The following PDE4D variants were observed in gnomAD, a reference collection of about 807,000 sequenced individuals.
PDE4D encodes phosphodiesterase 4D, also known as 3',5'-cyclic-AMP phosphodiesterase 4D.
In PDE4D, 24 loss-of-function variants were observed where a neutral mutation model predicts 87.4. The ratio of observed to expected loss-of-function variants is 0.27; its 90% CI spans 0.20 to 0.39. PDE4D has a LOEUF of 0.39. Ranked by LOEUF, PDE4D falls within the 10% of genes least tolerant of loss-of-function variation. The pLI is 1.00. For synonymous variants in PDE4D, 384 were observed against 383.2 expected, an observed-to-expected ratio of 1.00 and a Z score of -0.02; for missense variants, 714 against 1,041.0, an observed-to-expected ratio of 0.69 and a Z score of 4.32.
chr5:60,494,167 G>C (rs1311467233), intron 1 of PDE4D, among the ~76,000 whole-genome samples: 1 of 152,184 alleles, frequency 6.6e-6, no homozygotes, highest in East Asian at 1.9e-4. Context: ...TTGAAAGTTT[G>C]AAAGCTTTGC....
At chr5:58,999,561 A>ATG in intron 6 of PDE4D, 1 of 1,182,162 alleles carries the variant, frequency 8.5e-7, no homozygotes, top group Non-Finnish European at 1.1e-6. Context: ...ATGTATATAT[A>ATG]TATATATGTA....
chr5:59,126,254 T>C (rs1424398876), intron 5 of PDE4D, among the ~76,000 whole-genome samples: 1 of 151,998 alleles, frequency 6.6e-6, no homozygotes, highest in Non-Finnish European at 1.5e-5. Flanking sequence ...GAACAAAAAA[T>C]AGCCAATACG....
At chr5:60,291,746 T>C (rs528350537) in intron 1 of PDE4D, among the ~76,000 whole-genome samples, 101 of 152,240 alleles carry the variant, frequency 6.6e-4, no homozygotes, top group Non-Finnish European at 9.0e-4. Context: ...CATACTTGTA[T>C]AGAATACAGT....
At chr5:59,648,254 G>C (rs1742802354) in intron 1 of PDE4D, among the ~76,000 whole-genome samples, 1 of 152,130 alleles carries the variant, frequency 6.6e-6, no homozygotes, top group African/African-American at 2.4e-5. Context: ...AAGTGCTCAG[G>C]AGATATATTC....
At chr5:59,383,308 C>T (rs1786279258) in intron 1 of PDE4D, among the ~76,000 whole-genome samples, 1 of 127,376 alleles carries the variant, frequency 7.9e-6, no homozygotes, top group Admixed American at 7.2e-5. Flanking sequence ...GCCTTCCAGC[C>T]ATTCCTGGAA....
chr5:59,914,456 G>T (rs1436071722), intron 3 of PDE4D, among the ~76,000 whole-genome samples: 1 of 152,034 alleles, frequency 6.6e-6, no homozygotes, highest in Non-Finnish European at 1.5e-5. Context: ...AGTCTGTGGG[G>T]CAGGGCAAGA....
At chr5:59,339,014 G>A (rs1374913715) in intron 1 of PDE4D, among the ~76,000 whole-genome samples, 1 of 152,104 alleles carries the variant, frequency 6.6e-6, no homozygotes, top group Non-Finnish European at 1.5e-5. Flanking sequence ...GGTCTCTGAT[G>A]GTGATAACTT....
At chr5:59,808,602 T>C (rs183654116) in intron 1 of PDE4D, among the ~76,000 whole-genome samples, 2 of 142,536 alleles carry the variant, frequency 1.4e-5, no homozygotes, top group African/African-American at 5.1e-5. Context: ...GTGTGTGTGT[T>C]TGTGTGTGTG....
chr5:59,685,414 A>G (rs2150378713), intron 1 of PDE4D, among the ~76,000 whole-genome samples: 1 of 152,280 alleles, frequency 6.6e-6, no homozygotes, highest in East Asian at 1.9e-4. Context: ...AATTCCTTCT[A>G]CAATATTATG....
chr5:59,750,624 T>C (rs1258564603), intron 1 of PDE4D, among the ~76,000 whole-genome samples: 1 of 152,172 alleles, frequency 6.6e-6, no homozygotes, highest in Non-Finnish European at 1.5e-5. Context: ...TTGTGTGTTG[T>C]CTTCTCCTTT....
At chr5:60,436,459 G>A (rs371165000) in intron 1 of PDE4D, among the ~76,000 whole-genome samples, 8 of 152,116 alleles carry the variant, frequency 5.3e-5, no homozygotes, top group African/African-American at 1.9e-4. Flanking sequence ...AAAATCCTAT[G>A]CTTTCAATAC....
chr5:59,168,701 GGAGA>G (rs763121815), intron 5 of PDE4D, among the ~76,000 whole-genome samples: 3 of 152,120 alleles, frequency 2.0e-5, no homozygotes, highest in Non-Finnish European at 2.9e-5. Flanking sequence ...AGGGAGGGAA[GGAGA>G]GAGAAAAAAA....
rs1468830457 is a variant in PDE4D at position 58,975,571 on chromosome 5, A to AAAATACTATCATATGTAAT, written c.2013+67_2013+85dup. On this transcript the variant is annotated intron_variant, in intron 14 of 14. Transcript: ENST00000340635. This position sits in a 1 kb window ranked among gnomAD's most constrained non-coding sequence, Gnocchi z 4.2. ...AACAAAGTAATTTTAAAAATCCAGT[A>AAAATACTATCATATGTAAT]AAATACTATCATATGTAATACAAAG... The AAAATACTATCATATGTAAT allele has an allele frequency of 4.1e-5, 43 of 1,055,352 alleles. No homozygotes were observed. Among genetic ancestry groups the AAAATACTATCATATGTAAT allele is most frequent in the Non-Finnish European group, 5.2e-5 (41 of 782,996 alleles). 65.4% of individuals were successfully genotyped at this position (1,055,352 alleles called of 1,614,324 possible).
At chr5:59,663,225 C>T (rs1043530186) in intron 1 of PDE4D, among the ~76,000 whole-genome samples, 9 of 152,002 alleles carry the variant, frequency 5.9e-5, no homozygotes, top group East Asian at 1.9e-4. Flanking sequence ...AGTACATTGG[C>T]GTGATCTTGC....
chr5:59,197,382 G>A (rs1745691215), intron 2 of PDE4D, among the ~76,000 whole-genome samples: 1 of 152,042 alleles, frequency 6.6e-6, no homozygotes, highest in Admixed American at 6.6e-5. Flanking sequence ...AATTGTTTCT[G>A]CCAAATATCT....
At chr5:59,354,518 A>G (rs1045546159) in intron 1 of PDE4D, among the ~76,000 whole-genome samples, 1 of 152,128 alleles carries the variant, frequency 6.6e-6, no homozygotes. Context: ...GTGTCTGTAT[A>G]TATATAGAGT....
intron 1 of PDE4D, among the ~76,000 whole-genome samples, chr5:59,650,589 A>T (rs1743285593): frequency 6.6e-6 from 1 of 152,194 alleles, no homozygotes; most frequent in African/African-American, 2.4e-5. Flanking sequence ...ATCCATTCTT[A>T]AGTGTGATTT....
At chr5:59,283,556 C>T (rs551124091) in intron 1 of PDE4D, among the ~76,000 whole-genome samples, 1 of 152,184 alleles carries the variant, frequency 6.6e-6, no homozygotes, top group East Asian at 1.9e-4. Flanking sequence ...TTCAGCTTTG[C>T]CCTTGATAAC....
Position 59,531,941 on chromosome 5 carries a change from G to A in PDE4D, c.456-315973C>T, listed in dbSNP as rs576001549. Among the ~76,000 whole-genome samples the A allele has an allele frequency of 2.0e-5, 3 of 152,262 alleles. No individual in the cohort carries two copies. In the South Asian group the frequency reaches 6.2e-4, roughly 32 times the overall value. ...TTTGCCTATATTCATTGGAATGTAA[G>A]CTCCAAAAGGTCACAGATTTTTATT... On this transcript the variant is annotated intron_variant, in intron 1 of 14. Transcript: ENST00000340635.
Sources: gnomAD v4.1 joint callset for allele counts (sites outside exome capture counted in the v4.1 genomes callset) on GRCh38, gnomAD v4.1.1 for gene constraint, Gnocchi (gnomAD v3.1) non-coding constraint, MANE v1.5 for transcripts, NCBI Gene and HGNC (gene_info 2026-07-23, HGNC 2026-07-21) for gene names.